Variants in TPRG1 observed in about 807,000 individuals in gnomAD.
TPRG1 encodes the protein tumor protein p63-regulated gene 1 protein.
TPRG1 carries 29 observed loss-of-function variants against 29.3 expected under a neutral mutation model. The observed-to-expected ratio is 0.99, with a 90% CI of 0.74 to 1.35. The LOEUF (loss-of-function observed/expected upper bound fraction) is 1.35. Ranked by LOEUF, TPRG1 falls within the 40% of genes most tolerant of loss-of-function variation. TPRG1 has a pLI of 0.00. For synonymous variants in TPRG1, 130 were observed against 116.8 expected, an observed-to-expected ratio of 1.11 and a Z score of -0.73; for missense variants, 327 against 335.0, an observed-to-expected ratio of 0.98 and a Z score of 0.19.
At chr3:189,003,443 C>T (rs144742168) in intron 2 of TPRG1, among the ~76,000 whole-genome samples, 74 of 152,228 alleles carry the variant, frequency 4.9e-4, no homozygotes, top group Admixed American at 7.2e-4. Context: ...CAAAATGTGA[C>T]GTTAGGACTT....
At chr3:189,139,548 C>T (rs1724248070) in intron 3 of TPRG1, among the ~76,000 whole-genome samples, 1 of 152,144 alleles carries the variant, frequency 6.6e-6, no homozygotes, top group African/African-American at 2.4e-5. Flanking sequence ...AGCTCGTATT[C>T]ATAATTTGAC....
intron 4 of TPRG1, among the ~76,000 whole-genome samples, chr3:189,266,506 AG>A (rs1300388921): frequency 3.3e-5 from 5 of 152,196 alleles, no homozygotes; most frequent in Non-Finnish European, 5.9e-5. Context: ...TGGTGGGAAT[AG>A]GGACATGATG....
intron 1 of TPRG1, among the ~76,000 whole-genome samples, chr3:188,998,646 AAG>A: frequency 1.3e-5 from 2 of 152,342 alleles, no homozygotes; most frequent in East Asian, 3.9e-4. Flanking sequence ...CAGTCATTAA[AAG>A]GAATGAAACC....
intron 1 of TPRG1, among the ~76,000 whole-genome samples, chr3:189,112,753 G>C (rs951929718): frequency 6.6e-6 from 1 of 152,136 alleles, no homozygotes; most frequent in African/African-American, 2.4e-5. Context: ...TTTGGTACCA[G>C]TACCATGCTG....
At chr3:189,290,585 G>A (rs1173148754) in intron 4 of TPRG1, among the ~76,000 whole-genome samples, 1 of 152,214 alleles carries the variant, frequency 6.6e-6, no homozygotes, top group African/African-American at 2.4e-5. Flanking sequence ...TTATTAAGAG[G>A]CTACTGGTTT....
chr3:189,130,714 G>A (rs1723015007), intron 2 of TPRG1, among the ~76,000 whole-genome samples: 1 of 152,198 alleles, frequency 6.6e-6, no homozygotes, highest in Non-Finnish European at 1.5e-5. Context: ...CACTCATAAT[G>A]TGATGTGAAG....
upstream of TPRG1, among the ~76,000 whole-genome samples, chr3:189,099,137 G>A (rs938251696): frequency 1.1e-4 from 16 of 152,180 alleles, no homozygotes; most frequent in African/African-American, 3.6e-4. Context: ...CAGGCAGGGC[G>A]GCCGACACCA....
At chr3:189,198,644 T>G (rs1032494657) in intron 1 of TPRG1, among the ~76,000 whole-genome samples, 8 of 152,132 alleles carry the variant, frequency 5.3e-5, no homozygotes, top group African/African-American at 1.9e-4. Flanking sequence ...TCCAAGAAAT[T>G]TAAACTTAAT....
chr3:189,312,105 G>GTTTC (rs1209208448), intron 5 of TPRG1, among the ~76,000 whole-genome samples: 10 of 70,904 alleles, frequency 1.4e-4, no homozygotes, highest in African/African-American at 5.4e-4. Context: ...TTGTTTCTTT[G>GTTTC]TTTCTTTCTT....
chr3:189,028,718 G>A (rs1191280231), intron 4 of TPRG1, among the ~76,000 whole-genome samples: 1 of 152,148 alleles, frequency 6.6e-6, no homozygotes, highest in Non-Finnish European at 1.5e-5. Context: ...AAGATGTTGA[G>A]CACACTGCAC....
chr3:189,020,129 T>C (rs1713213012), intron 3 of TPRG1, among the ~76,000 whole-genome samples: 1 of 151,970 alleles, frequency 6.6e-6, no homozygotes, highest in African/African-American at 2.4e-5. Context: ...TCTTTTTTTC[T>C]TTATTAGTCT....
chr3:189,215,686 A>ATC (rs368840325), intron 3 of TPRG1, among the ~76,000 whole-genome samples: 1,633 of 152,070 alleles, frequency 0.011, 33 homozygotes, highest in African/African-American at 0.037. Context: ...TCTCATTCTA[A>ATC]TCTCTTATTT....
At chr3:189,169,463 C>T (rs548515943), upstream of TPRG1, among the ~76,000 whole-genome samples, 1 of 152,284 alleles carries the variant, frequency 6.6e-6, no homozygotes, top group Non-Finnish European at 1.5e-5. Flanking sequence ...CCAGGCCCGG[C>T]CTGTAAAGGT....
At chr3:189,061,658 A>C (rs563249217) in intron 4 of TPRG1, among the ~76,000 whole-genome samples, 41 of 152,364 alleles carry the variant, frequency 2.7e-4, no homozygotes, top group African/African-American at 9.9e-4. Context: ...AAGAGAAGAC[A>C]TACATGTGGC....
rs188284908 is a variant in TPRG1, at chr3:189,323,380, C to T, written c.*2560C>T. The T allele has an allele frequency of 3.9e-4, 60 of 152,076 alleles. No individual in the cohort carries two copies. Among genetic ancestry groups the T allele is most frequent in the African/African-American group, 1.3e-3 (55 of 41,498 alleles). The allele number at this position is 152,076 out of a possible 1,614,324, so 9.4% of individuals were successfully genotyped here. A position where few individuals can be genotyped will look rare whatever the true frequency, so the allele number is the denominator to read the frequency against. ...TCCTAAGGTTTAATTTCCTCTTCTG[C>T]GAAATGGAGACAATTATATTACTTT... On this transcript the variant is annotated 3_prime_UTR_variant, in exon 6 of 6. Transcript: ENST00000345063.
chr3:189,063,789 A>G (rs1363870353), intron 4 of TPRG1, among the ~76,000 whole-genome samples: 1 of 152,180 alleles, frequency 6.6e-6, no homozygotes, highest in Non-Finnish European at 1.5e-5. Flanking sequence ...TATAGCAGTA[A>G]AAACTTACTC....
At chr3:189,221,219 A>G (rs1736892774) in intron 3 of TPRG1, among the ~76,000 whole-genome samples, 1 of 152,222 alleles carries the variant, frequency 6.6e-6, no homozygotes, top group South Asian at 2.1e-4. Context: ...TAGTTTAAAA[A>G]GTCTCTTCTT....
chr3:189,241,367 G>A (rs1740557370), intron 4 of TPRG1, among the ~76,000 whole-genome samples: 1 of 151,938 alleles, frequency 6.6e-6, no homozygotes, highest in South Asian at 2.1e-4. Flanking sequence ...TTTTATCCTT[G>A]GGTTAGAAAG....
intron 4 of TPRG1, among the ~76,000 whole-genome samples, chr3:189,250,745 T>C (rs1294440318): frequency 4.9e-5 from 6 of 122,610 alleles, no homozygotes; most frequent in African/African-American, 8.1e-5. Context: ...AATTCCCTTG[T>C]TTAAAAAAAA....
Sources: gnomAD v4.1 joint callset for allele counts (sites outside exome capture counted in the v4.1 genomes callset) on GRCh38, gnomAD v4.1.1 for gene constraint, MANE v1.5 for transcripts, NCBI Gene and HGNC (gene_info 2026-07-23, HGNC 2026-07-21) for gene names.